The following DENND1A variants were observed in gnomAD, a reference collection of about 807,000 sequenced individuals.
DENND1A encodes DENN domain-containing protein 1A.
A neutral mutation model predicts 113.7 loss-of-function variants in DENND1A; 51 were observed. The ratio of observed to expected loss-of-function variants is 0.45; its 90% CI spans 0.36 to 0.57. DENND1A has a LOEUF of 0.57. DENND1A is among the 20% of genes least tolerant of loss of function. The pLI is 0.00. For synonymous variants in DENND1A, 565 were observed against 570.8 expected (o/e 0.99, Z 0.14); for missense variants, 1,258 against 1,395.9 (o/e 0.90, Z 1.57).
At chr9:123,903,576 G>T (rs1049659394) in intron 1 of DENND1A, among the ~76,000 whole-genome samples, 6 of 152,142 alleles carry the variant, frequency 3.9e-5, no homozygotes, top group African/African-American at 1.4e-4. Context: ...CAAGGGGTCA[G>T]GGAGTTCCCT....
At chr9:123,735,621 GGTGAGAT>G (rs2068506189) in intron 5 of DENND1A, among the ~76,000 whole-genome samples, 1 of 152,154 alleles carries the variant, frequency 6.6e-6, no homozygotes, top group Non-Finnish European at 1.5e-5. Context: ...AACAGTAAGT[GGTGAGAT>G]GTTTCCTTTT....
At chr9:123,805,107 G>A (rs947242672) in intron 2 of DENND1A, among the ~76,000 whole-genome samples, 1 of 152,068 alleles carries the variant, frequency 6.6e-6, no homozygotes, top group African/African-American at 2.4e-5. Flanking sequence ...CAAGGAATAA[G>A]GCATGTGCTA....
chr9:123,879,266 C>T (rs1020401458), intron 1 of DENND1A, among the ~76,000 whole-genome samples: 2 of 152,100 alleles, frequency 1.3e-5, no homozygotes, highest in Non-Finnish European at 2.9e-5. Context: ...GGTGTGGTGG[C>T]TCACACCTGT....
chr9:123,470,951 C>G (rs918825856), intron 13 of DENND1A, among the ~76,000 whole-genome samples: 1 of 152,148 alleles, frequency 6.6e-6, no homozygotes, highest in African/African-American at 2.4e-5. Flanking sequence ...GTCGTGAGCA[C>G]GTGGCAGCAT....
intron 13 of DENND1A, among the ~76,000 whole-genome samples, chr9:123,504,496 G>A (rs1473429690): frequency 1.3e-5 from 2 of 152,200 alleles, no homozygotes; most frequent in Non-Finnish European, 2.9e-5. Context: ...TTTTAAGTCT[G>A]ATTTAAATGT....
At chr9:123,667,119 T>C in intron 7 of DENND1A, 40 bp from the exon 8 acceptor site, 1 of 1,556,448 alleles carries the variant, frequency 6.4e-7, no homozygotes. Flanking sequence ...TCTGCTAAAA[T>C]GTGTAACAAT....
intron 19 of DENND1A, among the ~76,000 whole-genome samples, chr9:123,439,234 C>T (rs147470590): frequency 1.0e-3 from 154 of 152,286 alleles, no homozygotes; most frequent in African/African-American, 3.4e-3. Context: ...TTCTTTCTTG[C>T]GTTTCAATTT....
At chr9:123,841,067 T>C (rs994818981) in intron 2 of DENND1A, among the ~76,000 whole-genome samples, 1 of 152,144 alleles carries the variant, frequency 6.6e-6, no homozygotes, top group African/African-American at 2.4e-5. Flanking sequence ...TATACGAGAG[T>C]TTGACTTTCT....
In DENND1A at chr9:123,442,033, G is replaced by A. The variant is rs180847752; in HGVS notation, c.1357-1542C>T. 8.3e-3 allele frequency among the ~76,000 whole-genome samples: 1,260 copies of A among 152,294 alleles called. 25 individuals carry two copies. Among genetic ancestry groups the A allele is most frequent in the Non-Finnish European group, 8.2e-3 (557 of 68,022 alleles). On this transcript the variant is annotated intron_variant, in intron 18 of 23. Transcript: ENST00000394215. ...TGAAATGGGCATATGGTAGCATGAA[G>A]ATTAAAGGAGACAGATAATACAACT...
chr9:123,730,351 T>C (rs1172201281), intron 5 of DENND1A, among the ~76,000 whole-genome samples: 1 of 152,068 alleles, frequency 6.6e-6, no homozygotes, highest in Non-Finnish European at 1.5e-5. Context: ...ATTTTTGCAA[T>C]CTATCCATCT....
rs751205199 is a variant in DENND1A, at chr9:123,381,841, C to T, written c.2804G>A (p.Ser935Asn). ...CCTGTGAGGGGCACAGAAGCCAGCA[C>T]TGGACAGCAGGAGGCCGGACGCAAA... ...PAFASGLLLSSAGFCAPHRSQ... is the reference protein window; with the variant it reads ...PAFASGLLLSNAGFCAPHRSQ... The change falls in exon 24 of 24, where the codon AGT becomes AAT. Residue 935 changes from serine to asparagine, a missense_variant. Coordinates refer to ENST00000394215, the MANE Select transcript of DENND1A (RefSeq NM_001352964.2). This position sits in a 1 kb window ranked among gnomAD's most constrained non-coding sequence, Gnocchi z 4.7. The T allele has an allele frequency of 1.3e-6, 2 of 1,487,880 alleles. No homozygotes were observed. The highest frequency in any genetic ancestry group is 1.8e-6 in the Non-Finnish European group (2 of 1,120,094). The allele number at this position is 1,487,880 out of a possible 1,614,324, so 92.2% of individuals were successfully genotyped here. A position where few individuals can be genotyped will look rare whatever the true frequency, so the allele number is the denominator to read the frequency against.
chr9:123,728,109 A>G (rs1215524888), intron 5 of DENND1A, among the ~76,000 whole-genome samples: 1 of 151,760 alleles, frequency 6.6e-6, no homozygotes, highest in Non-Finnish European at 1.5e-5. Context: ...CTGTCTCAAA[A>G]AAAAAAAAAG....
intron 1 of DENND1A, among the ~76,000 whole-genome samples, chr9:123,901,922 T>C (rs995068245): frequency 2.6e-5 from 4 of 151,882 alleles, no homozygotes; most frequent in Non-Finnish European, 4.4e-5. Flanking sequence ...AGGAGAATGG[T>C]GTGAACCCGG....
intron 2 of DENND1A, among the ~76,000 whole-genome samples, chr9:123,796,936 C>T (rs905821955): frequency 3.3e-5 from 5 of 152,124 alleles, no homozygotes; most frequent in East Asian, 1.9e-4. Context: ...ACTAACCAAA[C>T]GCCATCATCT....
At chr9:123,429,263 C>G (rs2045961136) in intron 19 of DENND1A, among the ~76,000 whole-genome samples, 1 of 152,136 alleles carries the variant, frequency 6.6e-6, no homozygotes, top group South Asian at 2.1e-4. Context: ...CTTCAACAAA[C>G]AAGCAATAGG....
chr9:123,538,688 C>T (rs1182156799), intron 13 of DENND1A, among the ~76,000 whole-genome samples: 1 of 148,170 alleles, frequency 6.7e-6, no homozygotes, highest in African/African-American at 2.5e-5. Context: ...TAAAAAATGA[C>T]AATCGCAATG....
intron 2 of DENND1A, among the ~76,000 whole-genome samples, chr9:123,839,540 C>G (rs950062375): frequency 8.5e-5 from 13 of 152,178 alleles, no homozygotes; most frequent in African/African-American, 3.1e-4. Flanking sequence ...GGCCAATTTC[C>G]CTTAATCCAC....
chr9:123,654,919 G>A (rs932907284), intron 8 of DENND1A, among the ~76,000 whole-genome samples: 1 of 152,166 alleles, frequency 6.6e-6, no homozygotes, highest in African/African-American at 2.4e-5. Flanking sequence ...GGGAGCACTC[G>A]CAGTTCCCAT....
chr9:123,858,414 T>TA (rs1421770185), intron 2 of DENND1A, among the ~76,000 whole-genome samples: 1 of 152,200 alleles, frequency 6.6e-6, no homozygotes, highest in Non-Finnish European at 1.5e-5. Context: ...TTTAAATCTT[T>TA]AAAAAATACT....
Sources: allele counts gnomAD v4.1 joint callset (sites outside exome capture counted in the v4.1 genomes callset), GRCh38; gene constraint gnomAD v4.1.1; non-coding constraint Gnocchi (gnomAD v3.1); transcripts MANE v1.5; gene names NCBI Gene and HGNC (gene_info 2026-07-23, HGNC 2026-07-21).